The following ACTR3C variants were observed in gnomAD, a reference collection of about 807,000 sequenced individuals.
The protein encoded by ACTR3C is actin related protein 3C.
ACTR3C carries 18 observed loss-of-function variants against 26.3 expected under a neutral mutation model. The observed-to-expected ratio is 0.68, with a 90% CI of 0.47 to 1.01. ACTR3C has a LOEUF of 1.01. Ranked by LOEUF, ACTR3C falls within the 50% of genes least tolerant of loss-of-function variation. The probability of loss-of-function intolerance (pLI) is 0.00; values close to 1 mark genes in which losing one functional copy is unlikely to be tolerated. For missense variants in ACTR3C, 184 were observed against 250.7 expected (o/e 0.73, Z 1.80); for synonymous variants, 55 against 94.5 (o/e 0.58, Z 2.42).
At chr7:149,994,505 GA>G in the ACTR3C span, among the ~76,000 whole-genome samples, 1 of 152,290 alleles carries the variant, frequency 6.6e-6, no homozygotes, top group Admixed American at 6.5e-5. Flanking sequence ...GCTGAGGCGG[GA>G]GAATCGCTTG....
the ACTR3C span, among the ~76,000 whole-genome samples, chr7:149,882,852 A>T: frequency 6.6e-6 from 1 of 152,238 alleles, no homozygotes; most frequent in South Asian, 2.1e-4. Flanking sequence ...AAAAATTACA[A>T]AGGGCTGTCT....
the ACTR3C span, among the ~76,000 whole-genome samples, chr7:150,152,194 A>G: frequency 2.0e-5 from 3 of 152,196 alleles, no homozygotes; most frequent in Non-Finnish European, 4.4e-5. Flanking sequence ...GGAGTGGTGA[A>G]GAAGGCCATC....
chr7:150,312,530 G>T (rs1160901145), intron 1 of ACTR3C, among the ~76,000 whole-genome samples: 2 of 152,164 alleles, frequency 1.3e-5, no homozygotes, highest in Non-Finnish European at 2.9e-5. Flanking sequence ...CTACATTAAA[G>T]CTAATATGCC....
the ACTR3C span, among the ~76,000 whole-genome samples, chr7:150,096,181 C>T: frequency 6.7e-6 from 1 of 149,774 alleles, no homozygotes. Context: ...GAATCCCTTT[C>T]CTTCATCGAG....
chr7:149,962,901 G>A, the ACTR3C span, among the ~76,000 whole-genome samples: 7 of 152,194 alleles, frequency 4.6e-5, no homozygotes, highest in African/African-American at 1.7e-4. Context: ...TCTGAAGACT[G>A]CACTGAGTGG....
At chr7:150,027,853 C>T in the ACTR3C span, among the ~76,000 whole-genome samples, 1 of 152,048 alleles carries the variant, frequency 6.6e-6, no homozygotes, top group Non-Finnish European at 1.5e-5. Context: ...GGGCCAAAGA[C>T]TTTTAAAACT....
chr7:150,079,204 G>T, the ACTR3C span, among the ~76,000 whole-genome samples: 10 of 152,118 alleles, frequency 6.6e-5, no homozygotes, highest in Non-Finnish European at 1.0e-4. Flanking sequence ...TGGCACAAAG[G>T]CCTCTTCTCC....
At chr7:150,039,745 C>G in the ACTR3C span, among the ~76,000 whole-genome samples, 4 of 142,566 alleles carry the variant, frequency 2.8e-5, no homozygotes, top group Admixed American at 7.2e-5. Flanking sequence ...CGGGGGGTGC[C>G]TCCCCCTCCT....
the ACTR3C span, among the ~76,000 whole-genome samples, chr7:150,028,851 G>C: frequency 3.3e-5 from 5 of 152,222 alleles, no homozygotes; most frequent in African/African-American, 9.7e-5. Flanking sequence ...CCCAATTCAG[G>C]TTACTTGTCT....
At chr7:150,122,379 C>A in the ACTR3C span, among the ~76,000 whole-genome samples, 1 of 151,824 alleles carries the variant, frequency 6.6e-6, no homozygotes, top group Non-Finnish European at 1.5e-5. Context: ...TACAAGGAAC[C>A]TAAACAAATT....
At chr7:149,933,163 T>C in the ACTR3C span, among the ~76,000 whole-genome samples, 1 of 144,462 alleles carries the variant, frequency 6.9e-6, no homozygotes, top group South Asian at 2.4e-4. Context: ...CCCACCCCTA[T>C]AGCTCCACCC....
At chr7:150,180,351 TG>T in the ACTR3C span, among the ~76,000 whole-genome samples, 1 of 150,522 alleles carries the variant, frequency 6.6e-6, no homozygotes, top group Admixed American at 6.6e-5. Flanking sequence ...CCCCTTCCTA[TG>T]TTTTTTTACA....
the ACTR3C span, among the ~76,000 whole-genome samples, chr7:150,169,119 C>T: frequency 6.6e-6 from 1 of 150,460 alleles, no homozygotes; most frequent in Non-Finnish European, 1.5e-5. Flanking sequence ...CGGTGGCTCA[C>T]ACCTGTAATC....
At chr7:150,263,037 G>C (rs999855003) in intron 6 of ACTR3C, among the ~76,000 whole-genome samples, 1 of 152,164 alleles carries the variant, frequency 6.6e-6, no homozygotes, top group African/African-American at 2.4e-5. Flanking sequence ...GAGATGTAAC[G>C]AACTAGAAGA....
chr7:150,008,319 C>T, the ACTR3C span, among the ~76,000 whole-genome samples: 23 of 152,178 alleles, frequency 1.5e-4, no homozygotes, highest in African/African-American at 3.9e-4. Context: ...CTGTGACTTC[C>T]GGGCTGGACG....
chr7:150,310,767 T>C (rs193184870), intron 1 of ACTR3C, among the ~76,000 whole-genome samples: 84 of 152,298 alleles, frequency 5.5e-4, no homozygotes, highest in African/African-American at 2.0e-3. Context: ...CATGACTTTC[T>C]TTCTGCCCGT....
chr7:150,125,129 A>G, the ACTR3C span, among the ~76,000 whole-genome samples: 1 of 152,042 alleles, frequency 6.6e-6, no homozygotes, highest in East Asian at 1.9e-4. Context: ...CTTCCAGTTC[A>G]TGTTTTACCA....
the ACTR3C span, among the ~76,000 whole-genome samples, chr7:149,990,691 G>A: frequency 5.4e-5 from 8 of 148,768 alleles, no homozygotes; most frequent in East Asian, 2.0e-4. Context: ...AGGAAGTAAC[G>A]GAGCCTGGGG....
intron 5 of ACTR3C, among the ~76,000 whole-genome samples, chr7:150,285,538 G>A (rs1194109938): frequency 6.6e-6 from 1 of 152,170 alleles, no homozygotes; most frequent in Non-Finnish European, 1.5e-5. Context: ...ACATTTGACT[G>A]TTCTATGTCC....
Sources: allele counts gnomAD v4.1 joint callset (sites outside exome capture counted in the v4.1 genomes callset), GRCh38; gene constraint gnomAD v4.1.1; transcripts MANE v1.5; gene names NCBI Gene and HGNC (gene_info 2026-07-23, HGNC 2026-07-21).